Variants in PAPPA observed in about 807,000 individuals in gnomAD.
PAPPA encodes pappalysin 1.
A neutral mutation model predicts 164.0 loss-of-function variants in PAPPA; 60 were observed. The observed-to-expected ratio is 0.37, with a 90% confidence interval of 0.30 to 0.45. The LOEUF (loss-of-function observed/expected upper bound fraction) is 0.45. PAPPA is among the 20% of genes least tolerant of loss of function. The pLI is 1.00. For synonymous variants in PAPPA, 875 were observed against 814.1 expected (o/e 1.07, Z -1.27); for missense variants, 1,782 against 2,087.3 (o/e 0.85, Z 2.85).
chr9:116,187,907 A>G lies in PAPPA; in HGVS notation c.1169A>G (p.Asn390Ser), dbSNP rs1272642771. Residue 390 changes from asparagine (N) to serine (S), a missense_variant, in exon 2 of 22, where the codon AAC becomes AGC. Physicochemically the swap from Asn to Ser is conservative, Grantham distance 46 (BLOSUM62 1). This residue lies in a region of PAPPA where 1,324 missense variants were observed against 1,656.9 expected (regional missense o/e 0.80). Transcript: ENST00000328252. This position sits in a 1 kb window ranked among gnomAD's most constrained non-coding sequence, Gnocchi z 4.2. ...CTGGCTGAGGCCTTCAAGCAATACAACATCTCCTGGGAGCTGGACGTGCTG... is the reference window on the plus strand; with the variant it reads ...CTGGCTGAGGCCTTCAAGCAATACAGCATCTCCTGGGAGCTGGACGTGCTG... Reference protein sequence around the residue: ...HQLAEAFKQYNISWELDVLEV... With the variant: ...HQLAEAFKQYSISWELDVLEV... The G allele has an allele frequency of 1.9e-6, 3 of 1,614,140 alleles. No individual in the cohort carries two copies. The highest frequency in any genetic ancestry group is 3.3e-5 in the Admixed American group (2 of 60,030).
At position 116,235,507 on chromosome 9, in the gene PAPPA, A is replaced by T; in HGVS notation, c.2602A>T (p.Met868Leu). 1 of 1,613,668 alleles carries T rather than the reference A, an allele frequency of 6.2e-7. No individual in the cohort carries two copies. The highest frequency in any genetic ancestry group is 8.5e-7 in the Non-Finnish European group (1 of 1,180,008). The change falls in exon 7 of 22, where the codon ATG (methionine) becomes TTG (leucine). Residue 868 changes from methionine to leucine, a missense_variant. Met to Leu is a conservative substitution (Grantham distance 15, BLOSUM62 2). This residue lies in a region of PAPPA where 1,324 missense variants were observed against 1,656.9 expected (regional missense o/e 0.80). Coordinates refer to ENST00000328252, the MANE Select transcript of PAPPA (RefSeq NM_002581.5). The part of the protein sequence containing the change: ...LDEHLEIDAA[M>L]LTSTADTPLC... ...TGAGCACCTGGAGATCGATGCTGCC[A>T]TGTTGACCTCCACTGCAGACACCCC...
At chr9:116,253,430 T>A (rs1844883739) in intron 7 of PAPPA, among the ~76,000 whole-genome samples, 1 of 152,162 alleles carries the variant, frequency 6.6e-6, no homozygotes, top group African/African-American at 2.4e-5. Context: ...TGGGCCACAA[T>A]CACAACAAAA....
At chr9:116,232,070 A>T (rs1844605739) in intron 6 of PAPPA, among the ~76,000 whole-genome samples, 1 of 152,074 alleles carries the variant, frequency 6.6e-6, no homozygotes, top group East Asian at 1.9e-4. Context: ...GGTTTTTCTA[A>T]AAGGCGACCC....
chr9:116,212,084 C>T, intron 4 of PAPPA, 152 bp downstream of exon 4: 2 of 684,042 alleles, frequency 2.9e-6, no homozygotes, highest in East Asian at 2.6e-5. Flanking sequence ...TTCGGTCATT[C>T]TCTTTCTGGG....
At chr9:116,199,392 T>C (rs991851339) in intron 2 of PAPPA, among the ~76,000 whole-genome samples, 3 of 152,170 alleles carry the variant, frequency 2.0e-5, no homozygotes, top group Admixed American at 2.0e-4. Context: ...CAGACCAACA[T>C]TTCAGCTTCC....
At chr9:116,281,558 G>A (rs537290926) in intron 9 of PAPPA, among the ~76,000 whole-genome samples, 36 of 152,028 alleles carry the variant, frequency 2.4e-4, no homozygotes, top group Non-Finnish European at 4.1e-4. Context: ...CCTTCCAAAC[G>A]GTTTAGGCAG....
At position 116,400,447 on chromosome 9, in the gene PAPPA, A is replaced by G. The variant is rs1847034598; in HGVS notation, c.*3831A>G. On this transcript the variant is annotated 3_prime_UTR_variant, in exon 22 of 22. Transcript: ENST00000328252. ...TTTGTTTATTTGTTTGGTGGCAATC[A>G]GTGGTAGTAGGGAGTGGGAGGGCTT... 1 of 152,090 alleles carries G rather than the reference A, an allele frequency of 6.6e-6. No homozygotes were observed. Among genetic ancestry groups the G allele is most frequent in the South Asian group, 2.1e-4 (1 of 4,820 alleles). The allele number at this position is 152,090 out of a possible 1,614,324, so 9.4% of individuals were successfully genotyped here. A position where few individuals can be genotyped will look rare whatever the true frequency, so the allele number is the denominator to read the frequency against.
chr9:116,323,635 CA>C (rs1270835174), intron 10 of PAPPA, among the ~76,000 whole-genome samples: 1 of 152,160 alleles, frequency 6.6e-6, no homozygotes. Context: ...TGTCTTTGCC[CA>C]AAAAGGTGTC....
intron 9 of PAPPA, among the ~76,000 whole-genome samples, chr9:116,282,352 A>T (rs1303389821): frequency 6.6e-6 from 1 of 152,232 alleles, no homozygotes; most frequent in Non-Finnish European, 1.5e-5. Context: ...TTTATTTTGC[A>T]TCTCTTGAAT....
At position 116,237,866 on chromosome 9, in the gene PAPPA, C is replaced by T. The variant is rs542604697; in HGVS notation, c.2732+2229C>T. ...TCCTGAGTAGCTGGGATTACAGGCA[C>T]GCACCACCACGCTGGGCTAATTTTT... On this transcript the variant is annotated intron_variant, in intron 7 of 21. Coordinates refer to ENST00000328252, the MANE Select transcript of PAPPA (RefSeq NM_002581.5). Among the ~76,000 whole-genome samples the T allele has an allele frequency of 6.6e-5, 10 of 151,984 alleles. No homozygotes were observed. In the East Asian group the frequency reaches 7.8e-4, roughly 12 times the overall value.
intron 4 of PAPPA, among the ~76,000 whole-genome samples, chr9:116,212,881 G>A (rs1844325666): frequency 6.6e-6 from 1 of 152,136 alleles, no homozygotes; most frequent in African/African-American, 2.4e-5. Flanking sequence ...CCTTTAATAT[G>A]CTCTCTCTCA....
At chr9:116,219,244 T>C (rs533838151) in intron 4 of PAPPA, among the ~76,000 whole-genome samples, 1 of 152,200 alleles carries the variant, frequency 6.6e-6, no homozygotes, top group South Asian at 2.1e-4. Context: ...TCACAGACTT[T>C]AGTAGCCTTG....
At chr9:116,176,630 T>C (rs536030515) in intron 1 of PAPPA, among the ~76,000 whole-genome samples, 1 of 152,256 alleles carries the variant, frequency 6.6e-6, no homozygotes, top group African/African-American at 2.4e-5. Flanking sequence ...AATATCCCTC[T>C]CTCCTGTTAG....
In PAPPA at chr9:116,221,481, T is replaced by C. The variant is rs78118586; in HGVS notation, c.2111+1352T>C. ...TGGATTCTATACTAAATGCTTTACA[T>C]ACAGAATCTCATTTAATCTTTCTGG... On this transcript the variant is annotated intron_variant, in intron 5 of 21. Coordinates refer to ENST00000328252, the MANE Select transcript of PAPPA (RefSeq NM_002581.5). Among the ~76,000 whole-genome samples, 1,090 of 152,314 alleles carry C rather than the reference T, an allele frequency of 7.2e-3. 16 individuals are homozygous for C. The highest frequency in any genetic ancestry group is 0.025 in the African/African-American group (1,047 of 41,578).
intron 2 of PAPPA, among the ~76,000 whole-genome samples, chr9:116,207,048 G>A (rs1043951220): frequency 6.6e-6 from 1 of 152,162 alleles, no homozygotes; most frequent in Non-Finnish European, 1.5e-5. Context: ...TATTCTAAGA[G>A]GGGAAGAGCA....
At chr9:116,336,742 T>A (rs1028023140) in intron 13 of PAPPA, among the ~76,000 whole-genome samples, 10 of 152,354 alleles carry the variant, frequency 6.6e-5, no homozygotes, top group African/African-American at 2.4e-4. Context: ...CTGCCCTATA[T>A]CTGACTAATT....
rs117956572 is a variant in PAPPA at position 116,357,778 on chromosome 9, C to G, written c.4347+3985C>G. On this transcript the variant is annotated intron_variant, in intron 17 of 21. Transcript: ENST00000328252. Reference sequence around the variant, plus strand: ...GGAGTGGCCAGTCTTGGGATGGGGACGGGGTCTTTGGAAGATGCATCAGCA... The same window carrying G: ...GGAGTGGCCAGTCTTGGGATGGGGAGGGGGTCTTTGGAAGATGCATCAGCA... Among the ~76,000 whole-genome samples, 466 of 152,118 alleles carry G rather than the reference C, an allele frequency of 3.1e-3. 13 individuals are homozygous for G. The South Asian group carries it at 0.066, about 22-fold the overall frequency.
chr9:116,267,306 G>A (rs1225215382), intron 8 of PAPPA, among the ~76,000 whole-genome samples: 1 of 152,226 alleles, frequency 6.6e-6, no homozygotes, highest in East Asian at 1.9e-4. Context: ...ATACAGCAAG[G>A]ATGATGCAGT....
rs1022560262 is a variant in PAPPA, at chr9:116,220,424, T to C, written c.2111+295T>C. 2.6e-5 allele frequency among the ~76,000 whole-genome samples: 4 copies of C among 151,154 alleles called. No homozygotes were observed. The South Asian group carries it at 8.3e-4, about 31-fold the overall frequency. On this transcript the variant is annotated intron_variant, in intron 5 of 21. Transcript: ENST00000328252. Reference sequence around the variant, plus strand: ...CAGACCTCTTCTGGGATGGAGGTAATAGTCTCATCTCCATGAGCTCAGGAG... The same window carrying C: ...CAGACCTCTTCTGGGATGGAGGTAACAGTCTCATCTCCATGAGCTCAGGAG...
Sources: allele counts gnomAD v4.1 joint callset (sites outside exome capture counted in the v4.1 genomes callset), GRCh38; gene constraint gnomAD v4.1.1; regional missense constraint gnomAD v4.1.1; non-coding constraint Gnocchi (gnomAD v3.1); transcripts MANE v1.5; gene names NCBI Gene and HGNC (gene_info 2026-07-23, HGNC 2026-07-21).